Variants in ZMAT3 observed in about 807,000 individuals in gnomAD.
ZMAT3 encodes the protein zinc finger matrin-type protein 3.
In ZMAT3, 17 loss-of-function variants were observed where a neutral mutation model predicts 32.3. The observed-to-expected ratio is 0.53, with a 90% CI of 0.36 to 0.79. ZMAT3 has a LOEUF of 0.79. Among genes scored for constraint, ZMAT3 ranks in the 30% least tolerant of loss-of-function variants. ZMAT3 has a pLI of 0.00. For synonymous variants in ZMAT3, 120 were observed against 133.1 expected, an observed-to-expected ratio of 0.90 and a Z score of 0.68; for missense variants, 329 against 359.7, an observed-to-expected ratio of 0.91 and a Z score of 0.69.
rs992584291 is a variant in ZMAT3, at chr3:179,019,756, T to A, written c.*5261A>T. ...ATTTGTGAAGATGCTTCATTTAATA[T>A]AGAAATGAACTAACACAATTAATAA... On this transcript the variant is annotated 3_prime_UTR_variant, in exon 6 of 6. Coordinates refer to ENST00000311417, the MANE Select transcript of ZMAT3 (RefSeq NM_022470.4). The A allele has an allele frequency of 1.3e-5, 2 of 151,936 alleles. No individual in the cohort carries two copies. Among genetic ancestry groups the A allele is most frequent in the African/African-American group, 4.9e-5 (2 of 41,220 alleles). The allele number at this position is 151,936 out of a possible 1,614,324, so 9.4% of individuals were successfully genotyped here.
At chr3:179,038,038 GGA>G (rs1490088464) in intron 2 of ZMAT3, among the ~76,000 whole-genome samples, 1 of 152,156 alleles carries the variant, frequency 6.6e-6, no homozygotes, top group African/African-American at 2.4e-5. Flanking sequence ...TAATGGACAG[GGA>G]GAGAGTGGGG....
At chr3:179,035,832 G>A (rs775213846) in intron 2 of ZMAT3, among the ~76,000 whole-genome samples, 5 of 152,174 alleles carry the variant, frequency 3.3e-5, no homozygotes, top group Non-Finnish European at 1.5e-5. Flanking sequence ...AATGTATCAC[G>A]GAAGACTTCC....
intron 2 of ZMAT3, among the ~76,000 whole-genome samples, chr3:179,036,824 T>G (rs1719618417): frequency 6.6e-6 from 1 of 152,112 alleles, no homozygotes; most frequent in Non-Finnish European, 1.5e-5. Context: ...AAAGACAGTT[T>G]AAAGACTGAA....
chr3:179,049,882 C>G (rs939213623), intron 2 of ZMAT3, among the ~76,000 whole-genome samples: 1 of 151,268 alleles, frequency 6.6e-6, no homozygotes, highest in African/African-American at 2.4e-5. Context: ...GTCTCAGCTA[C>G]TCGGGAGGCT....
rs746217391 is a variant in ZMAT3, at chr3:179,067,700, G to A, written c.53C>T (p.Ser18Leu). Residue 18 changes from serine (S) to leucine (L), a missense_variant, in exon 2 of 6, where the codon TCG (serine) becomes TTG (leucine). Ser to Leu is a moderately radical substitution (Grantham distance 145). Transcript: ENST00000311417. ...CCTGGTGGCCACTGACATAGGAGGC[G>A]AGGGTGAGGGCTGCTTAGGTGGAGG... ...VLPPPKQPSP[S>L]PPMSVATRST... is the part of the protein sequence containing the mutation. 2.2e-5 allele frequency: 36 copies of A among 1,614,194 alleles called. No individual in the cohort carries two copies. The highest frequency in any genetic ancestry group is 2.7e-5 in the Non-Finnish European group (32 of 1,180,034).
chr3:179,024,336 C>A lies in ZMAT3; in HGVS notation c.*681G>T, dbSNP rs1404345991. 6.6e-6 allele frequency: 1 copy of A among 151,854 alleles called. No homozygotes were observed. Among genetic ancestry groups the A allele is most frequent in the Non-Finnish European group, 1.5e-5 (1 of 67,994 alleles). 9.4% of individuals were successfully genotyped at this position (151,854 alleles called of 1,614,324 possible). On this transcript the variant is annotated 3_prime_UTR_variant, in exon 6 of 6. Transcript: ENST00000311417. ...ACCCTAACAGTTTCTAATAATGTAT[C>A]CTACTGACAATGCATTGAGGTGGCG... is the stretch of plus-strand genomic sequence containing the variant.
In ZMAT3 at chr3:179,023,422, T is replaced by C. The variant is rs1462255233; in HGVS notation, c.*1595A>G. 1 of 151,732 alleles carries C rather than the reference T, an allele frequency of 6.6e-6. No individual in the cohort carries two copies. The highest frequency in any genetic ancestry group is 6.6e-5 in the Admixed American group (1 of 15,218). 9.4% of individuals were successfully genotyped at this position (151,732 alleles called of 1,614,324 possible). Reference sequence around the variant, plus strand: ...TGTATATTTCTACTGGAAACGAAGATAGTGAAACTTTATTTGCTTTTTAAA... The same window carrying C: ...TGTATATTTCTACTGGAAACGAAGACAGTGAAACTTTATTTGCTTTTTAAA... On this transcript the variant is annotated 3_prime_UTR_variant, in exon 6 of 6. Transcript: ENST00000311417.
intron 2 of ZMAT3, among the ~76,000 whole-genome samples, chr3:179,048,752 G>GA (rs1312482231): frequency 4.4e-5 from 5 of 113,584 alleles, no homozygotes; most frequent in African/African-American, 1.6e-4. Context: ...TAACACAATG[G>GA]AAAAAAACCC....
At chr3:179,049,899 G>A (rs1462278981) in intron 2 of ZMAT3, among the ~76,000 whole-genome samples, 2 of 146,216 alleles carry the variant, frequency 1.4e-5, no homozygotes, top group Non-Finnish European at 3.0e-5. Context: ...GGCTGAGGCA[G>A]GAGAATGGCA....
At chr3:179,035,029 A>T (rs1381185967) in intron 2 of ZMAT3, among the ~76,000 whole-genome samples, 2 of 152,190 alleles carry the variant, frequency 1.3e-5, no homozygotes, top group Admixed American at 6.5e-5. Context: ...AATTCTCCTC[A>T]TTATAAACCC....
chr3:179,038,753 G>C (rs532067673), intron 2 of ZMAT3, among the ~76,000 whole-genome samples: 1 of 152,312 alleles, frequency 6.6e-6, no homozygotes, highest in Admixed American at 6.5e-5. Context: ...GAAGCAGGGT[G>C]GGGTGTTACC....
intron 1 of ZMAT3, among the ~76,000 whole-genome samples, chr3:179,070,833 T>C (rs1471522768): frequency 6.6e-6 from 1 of 152,186 alleles, no homozygotes; most frequent in East Asian, 1.9e-4. Flanking sequence ...AGAAAATTAA[T>C]TGTCATAGCA....
At chr3:179,048,145 C>T (rs1720345931) in intron 2 of ZMAT3, among the ~76,000 whole-genome samples, 1 of 152,116 alleles carries the variant, frequency 6.6e-6, no homozygotes, top group Non-Finnish European at 1.5e-5. Flanking sequence ...AACAAAGCCT[C>T]GAAGAAGTTT....
chr3:179,026,422 T>C (rs1216381007), intron 5 of ZMAT3, among the ~76,000 whole-genome samples: 1 of 142,878 alleles, frequency 7.0e-6, no homozygotes, highest in Non-Finnish European at 1.5e-5. Flanking sequence ...AGTCTTGCTC[T>C]GTCACCCAGA....
chr3:179,055,134 G>A (rs542823274), intron 2 of ZMAT3, among the ~76,000 whole-genome samples: 9 of 152,240 alleles, frequency 5.9e-5, no homozygotes, highest in East Asian at 5.8e-4. Flanking sequence ...CCTCCAAAGC[G>A]ATGGGAAACA....
At position 179,023,712 on chromosome 3, in the gene ZMAT3, T is replaced by TATATATATATATATATATA. The variant is rs1718686965; in HGVS notation, c.*1304_*1305insTATATATATATATATATAT. Reference sequence around the variant, plus strand: ...AAAATATATCTATATATATATATATTTTTTTTTTTTTTTTTTTTTTTTTTT... The same window carrying TATATATATATATATATATA: ...AAAATATATCTATATATATATATATTATATATATATATATATATATTTTTTTTTTTTTTTTTTTTTTTTT... On this transcript the variant is annotated 3_prime_UTR_variant, in exon 6 of 6. Transcript: ENST00000311417. 1.1e-4 allele frequency: 2 copies of TATATATATATATATATATA among 17,864 alleles called. No individual in the cohort carries two copies. The highest frequency in any genetic ancestry group is 1.6e-4 in the Non-Finnish European group (2 of 12,492). 1.1% of individuals were successfully genotyped at this position (17,864 alleles called of 1,614,324 possible). A position where few individuals can be genotyped will look rare whatever the true frequency, so the allele number is the denominator to read the frequency against.
intron 3 of ZMAT3, among the ~76,000 whole-genome samples, chr3:179,029,963 C>T (rs1050374652): frequency 1.3e-5 from 2 of 152,108 alleles, no homozygotes; most frequent in African/African-American, 4.8e-5. Context: ...GTGCCTGGCA[C>T]GATATGTACT....
intron 2 of ZMAT3, among the ~76,000 whole-genome samples, chr3:179,033,534 A>T (rs2108546118): frequency 7.6e-6 from 1 of 131,468 alleles, no homozygotes; most frequent in Non-Finnish European, 1.6e-5. Context: ...AGAAAAGAAA[A>T]GAAAAGAATA....
chr3:179,067,242 A>C (rs1721461975), intron 2 of ZMAT3, among the ~76,000 whole-genome samples: 1 of 152,234 alleles, frequency 6.6e-6, no homozygotes, highest in African/African-American at 2.4e-5. Context: ...GCCTACAAAG[A>C]CTGGTAAGCT....
Sources: allele counts gnomAD v4.1 joint callset (sites outside exome capture counted in the v4.1 genomes callset), GRCh38; gene constraint gnomAD v4.1.1; transcripts MANE v1.5; gene names NCBI Gene and HGNC (gene_info 2026-07-23, HGNC 2026-07-21).